STK33: variants seen among roughly 807,000 people sequenced by gnomAD.
STK33 encodes the protein serine/threonine-protein kinase 33.
In STK33, 52 loss-of-function variants were observed where a neutral mutation model predicts 58.0. The observed-to-expected ratio is 0.90, with a 90% confidence interval of 0.72 to 1.13. STK33 has a LOEUF of 1.13. Ranked by LOEUF, STK33 falls within the 50% of genes most tolerant of loss-of-function variation. The probability of loss-of-function intolerance (pLI) is 0.00; values close to 1 mark genes in which losing one functional copy is unlikely to be tolerated. For synonymous variants in STK33, 215 were observed against 200.1 expected, an observed-to-expected ratio of 1.07 and a Z score of -0.63; for missense variants, 630 against 604.2, an observed-to-expected ratio of 1.04 and a Z score of -0.45.
chr11:8,592,177 T>C (rs1233457333), intron 1 of STK33, among the ~76,000 whole-genome samples: 1 of 152,140 alleles, frequency 6.6e-6, no homozygotes, highest in African/African-American at 2.4e-5. Flanking sequence ...CCTTGCCCTG[T>C]AGCCTGCAGG....
chr11:8,479,207 C>T (rs1373041756), intron 2 of STK33, among the ~76,000 whole-genome samples: 2 of 151,798 alleles, frequency 1.3e-5, no homozygotes, highest in African/African-American at 2.4e-5. Context: ...AAGGTCAGAT[C>T]GAGACCATCC....
At chr11:8,570,613 C>G (rs890497385) in intron 1 of STK33, among the ~76,000 whole-genome samples, 2 of 152,256 alleles carry the variant, frequency 1.3e-5, no homozygotes, top group Non-Finnish European at 2.9e-5. Context: ...GGTGCACACA[C>G]GTAGTACTGT....
chr11:8,398,218 C>T (rs545017082), intron 15 of STK33, among the ~76,000 whole-genome samples: 5 of 152,300 alleles, frequency 3.3e-5, no homozygotes, highest in South Asian at 2.1e-4. Flanking sequence ...AGGGAAAGGT[C>T]GGGTTACCCA....
chr11:8,380,957 T>TTTTGCAGCAA, the STK33 span, among the ~76,000 whole-genome samples: 1 of 152,182 alleles, frequency 6.6e-6, no homozygotes, highest in Admixed American at 6.5e-5. Flanking sequence ...AAATAATGTC[T>TTTTGCAGCAA]TTTGCAGCAA....
chr11:8,369,491 A>C, the STK33 span, among the ~76,000 whole-genome samples: 1 of 145,884 alleles, frequency 6.9e-6, no homozygotes, highest in Non-Finnish European at 1.5e-5. Context: ...CTGCCTGATG[A>C]AGCTTCTTTG....
At chr11:8,459,614 C>T (rs566682615) in intron 8 of STK33, among the ~76,000 whole-genome samples, 39 of 152,138 alleles carry the variant, frequency 2.6e-4, no homozygotes, top group African/African-American at 8.9e-4. Context: ...GAGGCATTCC[C>T]CACGATTATT....
At chr11:8,383,906 C>A in the STK33 span, among the ~76,000 whole-genome samples, 1 of 152,176 alleles carries the variant, frequency 6.6e-6, no homozygotes, top group East Asian at 1.9e-4. Context: ...CTGGGTCTCT[C>A]TTCACATCCT....
chr11:8,430,954 C>T (rs1230107217), intron 14 of STK33, among the ~76,000 whole-genome samples: 1 of 151,134 alleles, frequency 6.6e-6, no homozygotes, highest in Non-Finnish European at 1.5e-5. Context: ...GCAACCTCCA[C>T]CTCCTGGGTT....
chr11:8,534,560 C>CTGTG lies in STK33; in HGVS notation c.-465-53947_-465-53946insCACA, dbSNP rs1230223586. Among the ~76,000 whole-genome samples the CTGTG allele has an allele frequency of 1.9e-3, 232 of 120,012 alleles. 2 individuals carry two copies. The highest frequency in any genetic ancestry group is 6.7e-3 in the African/African-American group (186 of 27,792). The allele number at this position is 120,012 out of a possible 152,430, so 78.7% of individuals were successfully genotyped here. On this transcript the variant is annotated intron_variant, in intron 1 of 15. Coordinates refer to ENST00000687296, the MANE Select transcript of STK33 (RefSeq NM_001352389.2). ...TCTCTCTCTCTCTCTCTCTCTCTCT[C>CTGTG]TCTCTCTCTGTGTGTGTGTGTGTGT... is the stretch of plus-strand genomic sequence containing the variant.
chr11:8,436,950 G>A (rs2136291276), intron 12 of STK33, among the ~76,000 whole-genome samples: 1 of 152,268 alleles, frequency 6.6e-6, no homozygotes, highest in South Asian at 2.1e-4. Flanking sequence ...CACCTGCCTT[G>A]GCCTCCCAAA....
chr11:8,469,868 T>C (rs1480763890), intron 6 of STK33, among the ~76,000 whole-genome samples: 1 of 152,248 alleles, frequency 6.6e-6, no homozygotes, highest in Non-Finnish European at 1.5e-5. Flanking sequence ...AAGACATTTT[T>C]GTGAGAAGTA....
At chr11:8,476,059 A>G (rs929745766) in intron 4 of STK33, among the ~76,000 whole-genome samples, 2 of 152,192 alleles carry the variant, frequency 1.3e-5, no homozygotes, top group African/African-American at 2.4e-5. Flanking sequence ...AAAATCTGCC[A>G]GGCTCATACG....
the STK33 span, among the ~76,000 whole-genome samples, chr11:8,363,199 G>GAAGAGAGT: frequency 6.6e-6 from 1 of 152,156 alleles, no homozygotes; most frequent in African/African-American, 2.4e-5. Flanking sequence ...GCGGGCGAGG[G>GAAGAGAGT]AAGAGAGTGA....
At chr11:8,390,711 T>C (rs1309895143), downstream of STK33, among the ~76,000 whole-genome samples, 1 of 152,170 alleles carries the variant, frequency 6.6e-6, no homozygotes, top group Non-Finnish European at 1.5e-5. Flanking sequence ...TGGCCTTGCC[T>C]GGTGTGAGGT....
intron 11 of STK33, among the ~76,000 whole-genome samples, chr11:8,441,868 A>ATC (rs1465224304): frequency 1.3e-5 from 2 of 152,202 alleles, no homozygotes; most frequent in Admixed American, 1.3e-4. Context: ...TCTGTGAGAT[A>ATC]GATACGTAAG....
chr11:8,554,477 C>G (rs1389861733), intron 1 of STK33, among the ~76,000 whole-genome samples: 2 of 145,996 alleles, frequency 1.4e-5, no homozygotes, highest in African/African-American at 5.0e-5. Flanking sequence ...CAAAGACATA[C>G]AAACAGCCAG....
At chr11:8,380,264 G>C in the STK33 span, among the ~76,000 whole-genome samples, 2 of 152,098 alleles carry the variant, frequency 1.3e-5, no homozygotes, top group African/African-American at 4.8e-5. Context: ...TGAGCCTTAA[G>C]AACGGCCATT....
At chr11:8,411,782 G>A (rs535335015) in intron 15 of STK33, among the ~76,000 whole-genome samples, 7 of 152,186 alleles carry the variant, frequency 4.6e-5, no homozygotes, top group Middle Eastern at 3.4e-3. Context: ...TTTTCCTGTC[G>A]ATGAAACCTA....
intron 1 of STK33, among the ~76,000 whole-genome samples, chr11:8,500,552 A>C (rs574710390): frequency 6.6e-6 from 1 of 152,322 alleles, no homozygotes; most frequent in African/African-American, 2.4e-5. Flanking sequence ...CATTGAAAGG[A>C]ATTAAAGAAA....
Sources: gnomAD v4.1 joint callset for allele counts (sites outside exome capture counted in the v4.1 genomes callset) on GRCh38, gnomAD v4.1.1 for gene constraint, MANE v1.5 for transcripts, NCBI Gene and HGNC (gene_info 2026-07-23, HGNC 2026-07-21) for gene names.